Variants in AKR1C3 observed in about 807,000 individuals in gnomAD.
AKR1C3 encodes the protein 3-alpha hydroxysteroid dehydrogenase, type II.
In AKR1C3, 48 loss-of-function variants were observed where a neutral mutation model predicts 43.6. The observed-to-expected ratio is 1.10, with a 90% CI of 0.87 to 1.40. AKR1C3 has a LOEUF of 1.40. Ranked by LOEUF, AKR1C3 falls within the 40% of genes most tolerant of loss-of-function variation. AKR1C3 has a pLI of 0.00. For missense variants in AKR1C3, 482 were observed against 391.2 expected (o/e 1.23, Z -1.96); for synonymous variants, 162 against 139.6 (o/e 1.16, Z -1.13).
chr10:5,048,810 T>A (rs1357359419), upstream of AKR1C3: 19 of 1,613,324 alleles, frequency 1.2e-5, no homozygotes, highest in Non-Finnish European at 1.5e-5. Context: ...TGAGTGACAG[T>A]GATGGATTCA....
intron 7 of AKR1C3, 52 bp downstream of exon 7, chr10:5,102,702 G>T (rs1554786319): frequency 4.1e-6 from 6 of 1,450,622 alleles, no homozygotes; most frequent in Non-Finnish European, 4.6e-6. Flanking sequence ...TCCTTCACAC[G>T]TGTGCTTCTT....
chr10:5,097,618 T>C lies in AKR1C3; in HGVS notation c.369+68T>C, dbSNP rs1340065172. The C allele has an allele frequency of 7.5e-6, 12 of 1,608,384 alleles. 1 individual carries two copies. The highest frequency in any genetic ancestry group is 2.7e-5 in the African/African-American group (2 of 74,742). ...TTATAAACATTGTTTATCTGGATAG[T>C]TGAACAGAGCTTTTTATTAGGAGGA... On this transcript the variant is annotated intron_variant, in intron 3 of 8. Coordinates refer to ENST00000380554, the MANE Select transcript of AKR1C3 (RefSeq NM_003739.6).
intron 1 of AKR1C3, among the ~76,000 whole-genome samples, chr10:5,063,767 A>AAAAAAAAAC: frequency 7.4e-6 from 1 of 134,548 alleles, no homozygotes; most frequent in Non-Finnish European, 1.6e-5. Context: ...TGTCTCAGCA[A>AAAAAAAAAC]AAAAAAAAAA....
chr10:5,063,069 G>A (rs1838415159), intron 1 of AKR1C3, among the ~76,000 whole-genome samples: 1 of 152,134 alleles, frequency 6.6e-6, no homozygotes, highest in Non-Finnish European at 1.5e-5. Context: ...GACCTATAAA[G>A]ATGTCCTAGT....
chr10:5,094,663 G>A, intron 1 of AKR1C3, 135 bp downstream of exon 1: 2 of 902,928 alleles, frequency 2.2e-6, no homozygotes, highest in Admixed American at 2.3e-5. Flanking sequence ...TAGGCTAGGA[G>A]AAAAAAGTAG....
At chr10:5,104,673 A>ACTTTTTGACAATATTGAGACTTTC (rs1273659313) in intron 7 of AKR1C3, among the ~76,000 whole-genome samples, 2 of 152,158 alleles carry the variant, frequency 1.3e-5, no homozygotes, top group Non-Finnish European at 2.9e-5. Flanking sequence ...TGTGAAGAGA[A>ACTTTTTGACAATATTGAGACTTTC]CTTTTTGACA....
At chr10:5,059,953 T>C (rs782787203) in intron 1 of AKR1C3, among the ~76,000 whole-genome samples, 1 of 152,120 alleles carries the variant, frequency 6.6e-6, no homozygotes, top group Non-Finnish European at 1.5e-5. Flanking sequence ...GTTTTTTCCT[T>C]CTGATGTTTG....
At chr10:5,099,113 A>G (rs1372314855) in intron 4 of AKR1C3, among the ~76,000 whole-genome samples, 1 of 152,332 alleles carries the variant, frequency 6.6e-6, no homozygotes, top group Non-Finnish European at 1.5e-5. Context: ...GCATTAATCT[A>G]TCCAGTTTCC....
chr10:5,102,458 C>T, intron 6 of AKR1C3, 27 bp from the exon 7 acceptor site: 1 of 1,465,806 alleles, frequency 6.8e-7, no homozygotes, highest in Non-Finnish European at 9.2e-7. Flanking sequence ...AGCCTCAGGG[C>T]CTCAGCCTTT....
upstream of AKR1C3, among the ~76,000 whole-genome samples, chr10:5,090,710 A>AT (rs1554784045): frequency 6.6e-6 from 1 of 152,072 alleles, no homozygotes; most frequent in African/African-American, 2.4e-5. Flanking sequence ...AAGTGATCAC[A>AT]TGCCAGCATT....
At chr10:5,077,455 C>T (rs1554781945) in intron 1 of AKR1C3, among the ~76,000 whole-genome samples, 1 of 152,116 alleles carries the variant, frequency 6.6e-6, no homozygotes, top group East Asian at 1.9e-4. Context: ...ACTGGAGTTC[C>T]ACAATTCCCA....
intron 1 of AKR1C3, among the ~76,000 whole-genome samples, chr10:5,052,358 A>G (rs1838170529): frequency 6.6e-6 from 1 of 152,192 alleles, no homozygotes; most frequent in African/African-American, 2.4e-5. Flanking sequence ...CAAAGCTTCC[A>G]CAGTGTGGAA....
chr10:5,090,483 A>T (rs1839066542), upstream of AKR1C3, among the ~76,000 whole-genome samples: 1 of 152,084 alleles, frequency 6.6e-6, no homozygotes, highest in South Asian at 2.1e-4. Flanking sequence ...AAAATAAAAA[A>T]CTACTGTCCC....
intron 1 of AKR1C3, 63 bp downstream of exon 1, chr10:5,094,591 G>C: frequency 6.4e-7 from 1 of 1,551,088 alleles, no homozygotes; most frequent in Non-Finnish European, 8.9e-7. Flanking sequence ...AGTGAAACCC[G>C]TATTGGGTTG....
At chr10:5,050,688 C>T (rs2398187) in intron 1 of AKR1C3, among the ~76,000 whole-genome samples, 47,345 of 152,026 alleles carry the variant, frequency 0.31, 7,546 homozygotes, top group East Asian at 0.4. Flanking sequence ...TAATTCTTAC[C>T]ACCAATGAAA....
chr10:5,085,326 G>A (rs1278167954), intron 1 of AKR1C3, among the ~76,000 whole-genome samples: 1 of 151,862 alleles, frequency 6.6e-6, no homozygotes, highest in Non-Finnish European at 1.5e-5. Flanking sequence ...TGCATCTATT[G>A]AGATAATCAT....
chr10:5,077,091 C>CT (rs1385004317), intron 1 of AKR1C3, among the ~76,000 whole-genome samples: 39 of 151,282 alleles, frequency 2.6e-4, no homozygotes, highest in South Asian at 8.4e-4. Context: ...ACAGGATAAT[C>CT]TTTTTTTTTC....
At chr10:5,096,341 C>T in intron 1 of AKR1C3, 69 bp from the exon 2 acceptor site, 3 of 1,539,352 alleles carry the variant, frequency 1.9e-6, no homozygotes, top group Non-Finnish European at 2.6e-6. Context: ...GTATAAAAGT[C>T]AATGCTTGTG....
At chr10:5,056,318 T>C (rs903468720) in intron 1 of AKR1C3, among the ~76,000 whole-genome samples, 6 of 152,182 alleles carry the variant, frequency 3.9e-5, no homozygotes, top group African/African-American at 1.4e-4. Context: ...GAAGGCATCC[T>C]TGAGGTCCAG....
Sources: allele counts gnomAD v4.1 joint callset (sites outside exome capture counted in the v4.1 genomes callset), GRCh38; gene constraint gnomAD v4.1.1; transcripts MANE v1.5; gene names NCBI Gene and HGNC (gene_info 2026-07-23, HGNC 2026-07-21).